ZNF804A: variants seen among roughly 807,000 people sequenced by gnomAD.
ZNF804A encodes zinc finger protein 804A.
A neutral mutation model predicts 16.5 loss-of-function variants in ZNF804A; 2 were observed. The ratio of observed to expected loss-of-function variants is 0.12; its 90% CI spans 0.05 to 0.38. The LOEUF (loss-of-function observed/expected upper bound fraction) is 0.38. Ranked by LOEUF, ZNF804A falls within the 10% of genes least tolerant of loss-of-function variation. The pLI is 0.99. For synonymous variants in ZNF804A, 534 were observed against 489.6 expected (o/e 1.09, Z -1.20); for missense variants, 1,473 against 1,390.7 (o/e 1.06, Z -0.94).
At chr2:184,735,950 G>T (rs572369217) in intron 1 of ZNF804A, among the ~76,000 whole-genome samples, 1 of 152,236 alleles carries the variant, frequency 6.6e-6, no homozygotes, top group Non-Finnish European at 1.5e-5. Context: ...TTGAGTAGAT[G>T]ATTTATTTTT....
intron 1 of ZNF804A, among the ~76,000 whole-genome samples, chr2:184,736,319 A>C (rs1370182844): frequency 6.6e-6 from 1 of 152,162 alleles, no homozygotes; most frequent in Non-Finnish European, 1.5e-5. Flanking sequence ...GCTCTCTTTG[A>C]TATTTAAATG....
At chr2:184,891,815 G>T (rs1245807136) in intron 2 of ZNF804A, among the ~76,000 whole-genome samples, 1 of 152,140 alleles carries the variant, frequency 6.6e-6, no homozygotes, top group Non-Finnish European at 1.5e-5. Context: ...GAGGAATAGT[G>T]TCTTTCTTAG....
At chr2:184,676,564 AATAATTTCCACTACAATATC>A (rs1692439479) in intron 1 of ZNF804A, among the ~76,000 whole-genome samples, 2 of 151,726 alleles carry the variant, frequency 1.3e-5, no homozygotes, top group Admixed American at 6.6e-5. Context: ...ATTATATGTT[AATAATTTCCACTACAATATC>A]ATATACAATA....
At chr2:184,771,562 T>C (rs1310339183) in intron 1 of ZNF804A, among the ~76,000 whole-genome samples, 1 of 151,104 alleles carries the variant, frequency 6.6e-6, no homozygotes, top group Non-Finnish European at 1.5e-5. Flanking sequence ...TCCTGGGCAA[T>C]ATAGCGAGAC....
At chr2:184,758,464 T>G (rs1165207177) in intron 1 of ZNF804A, among the ~76,000 whole-genome samples, 2 of 151,928 alleles carry the variant, frequency 1.3e-5, no homozygotes, top group African/African-American at 4.8e-5. Context: ...TTAACTGAAT[T>G]TAACAGGCAA....
At position 184,815,073 on chromosome 2, in the gene ZNF804A, G is replaced by A. The variant is rs140158890; in HGVS notation, c.112-51296G>A. Among the ~76,000 whole-genome samples, 494 of 151,974 alleles carry A rather than the reference G, an allele frequency of 3.3e-3. 1 individual carries two copies. The highest frequency in any genetic ancestry group is 6.3e-3 in the Admixed American group (96 of 15,222). On this transcript the variant is annotated intron_variant, in intron 1 of 3. Transcript: ENST00000302277. Reference sequence around the variant, plus strand: ...TTGATCAATAGAAATAACGTAAAACGTACAAATATTTTCTCATGAATGTTA... The same window carrying A: ...TTGATCAATAGAAATAACGTAAAACATACAAATATTTTCTCATGAATGTTA...
rs189572093 is a variant in ZNF804A, at chr2:184,647,314, C to A, written c.111+48244C>A. The stretch of plus-strand genomic sequence containing the variant: ...ATCTCCAGATGCAAAAGAACCAGTG[C>A]AAGAATTCTGGCACCATAAAAACTC... On this transcript the variant is annotated intron_variant, in intron 1 of 3. Coordinates refer to ENST00000302277, the MANE Select transcript of ZNF804A (RefSeq NM_194250.2). 3.9e-4 allele frequency among the ~76,000 whole-genome samples: 60 copies of A among 152,272 alleles called. No homozygotes were observed. The East Asian group carries it at 9.4e-3, about 24-fold the overall frequency.
rs530592850 is a variant in ZNF804A, at chr2:184,865,778, C to T, written c.112-591C>T. On this transcript the variant is annotated intron_variant, in intron 1 of 3. Transcript: ENST00000302277. Reference sequence around the variant, plus strand: ...AGTTTAGGTAAATAACTGAAATAACCGCAGAAAAGGGTTTTCTTTTCCAAT... The same window carrying T: ...AGTTTAGGTAAATAACTGAAATAACTGCAGAAAAGGGTTTTCTTTTCCAAT... Among the ~76,000 whole-genome samples, 82 of 151,866 alleles carry T rather than the reference C, an allele frequency of 5.4e-4. 2 individuals carry two copies. The highest frequency in any genetic ancestry group is 4.2e-4 in the South Asian group (2 of 4,802).
chr2:184,775,406 G>A (rs1455898140), intron 1 of ZNF804A, among the ~76,000 whole-genome samples: 1 of 151,644 alleles, frequency 6.6e-6, no homozygotes, highest in African/African-American at 2.4e-5. Context: ...GTGAAGGAAA[G>A]TTTTAACTTA....
chr2:184,878,726 A>G (rs1293810020), intron 2 of ZNF804A, among the ~76,000 whole-genome samples: 2 of 152,096 alleles, frequency 1.3e-5, no homozygotes, highest in African/African-American at 4.8e-5. Flanking sequence ...AAGAAAGCAA[A>G]AATGTATTTT....
chr2:184,603,821 C>G (rs1423576481), intron 1 of ZNF804A, among the ~76,000 whole-genome samples: 1 of 151,928 alleles, frequency 6.6e-6, no homozygotes, highest in East Asian at 1.9e-4. Flanking sequence ...TATTAAAGAC[C>G]ATCTTGTGTT....
intron 2 of ZNF804A, among the ~76,000 whole-genome samples, chr2:184,903,621 C>T (rs1685220594): frequency 6.6e-6 from 1 of 152,156 alleles, no homozygotes; most frequent in Middle Eastern, 3.4e-3. Context: ...TTTCTGTGCT[C>T]CTACTCTAAA....
chr2:184,735,238 C>T (rs1024963352), intron 1 of ZNF804A, among the ~76,000 whole-genome samples: 1 of 151,666 alleles, frequency 6.6e-6, no homozygotes, highest in African/African-American at 2.4e-5. Flanking sequence ...CTTTCCTTTT[C>T]TTTCTTACAT....
intron 1 of ZNF804A, among the ~76,000 whole-genome samples, chr2:184,652,107 A>G (rs1375465874): frequency 6.6e-6 from 1 of 152,188 alleles, no homozygotes; most frequent in East Asian, 1.9e-4. Context: ...GATGCAGCAT[A>G]AAAAAGAACA....
At chr2:184,631,787 A>G (rs1485308010) in intron 1 of ZNF804A, among the ~76,000 whole-genome samples, 1 of 152,172 alleles carries the variant, frequency 6.6e-6, no homozygotes, top group African/African-American at 2.4e-5. Flanking sequence ...TTATGAAACA[A>G]AATCACTCCA....
chr2:184,795,757 T>C (rs1049268204), intron 1 of ZNF804A, among the ~76,000 whole-genome samples: 6 of 152,086 alleles, frequency 3.9e-5, no homozygotes, highest in Admixed American at 3.3e-4. Flanking sequence ...CTAACACTGC[T>C]GAAATAAAAA....
At chr2:184,899,314 C>A (rs1270926713) in intron 2 of ZNF804A, among the ~76,000 whole-genome samples, 1 of 152,012 alleles carries the variant, frequency 6.6e-6, no homozygotes, top group Non-Finnish European at 1.5e-5. Context: ...TTGTGTCCCA[C>A]AGACTTGAGA....
chr2:184,725,197 A>G (rs1211281990), intron 1 of ZNF804A, among the ~76,000 whole-genome samples: 2 of 151,628 alleles, frequency 1.3e-5, no homozygotes, highest in African/African-American at 4.8e-5. Flanking sequence ...GAAGAGAATA[A>G]CAGTGCTTAC....
intron 1 of ZNF804A, among the ~76,000 whole-genome samples, chr2:184,642,057 A>G (rs1442928914): frequency 2.0e-5 from 3 of 152,164 alleles, no homozygotes; most frequent in South Asian, 2.1e-4. Context: ...TATGCACGTG[A>G]CCATGCACTC....
Sources: allele counts gnomAD v4.1 joint callset (sites outside exome capture counted in the v4.1 genomes callset), GRCh38; gene constraint gnomAD v4.1.1; transcripts MANE v1.5; gene names NCBI Gene and HGNC (gene_info 2026-07-23, HGNC 2026-07-21).